PSMD11: variants seen among roughly 807,000 people sequenced by gnomAD.
PSMD11 encodes the protein 26S proteasome non-ATPase regulatory subunit 11.
Under a neutral mutation model 62.3 loss-of-function variants are expected in PSMD11, and 5 were observed. That is an observed-to-expected ratio of 0.08 (90% confidence interval 0.04 to 0.17). The LOEUF (loss-of-function observed/expected upper bound fraction) is 0.17. PSMD11 is among the 10% of genes least tolerant of loss of function. The pLI is 1.00. For synonymous variants in PSMD11, 191 were observed against 191.8 expected, an observed-to-expected ratio of 1.00 and a Z score of 0.03; for missense variants, 310 against 512.9, an observed-to-expected ratio of 0.60 and a Z score of 3.82.
chr17:32,468,906 T>G, intron 5 of PSMD11, 93 bp from the exon 6 acceptor site: 4 of 1,229,734 alleles, frequency 3.3e-6, no homozygotes, highest in Non-Finnish European at 3.2e-6. Flanking sequence ...TTTTTTTTTT[T>G]TTTTAATCCT....
At chr17:32,444,659 G>C (rs746508120) in intron 1 of PSMD11, 45 bp downstream of exon 1, 11 of 1,603,898 alleles carry the variant, frequency 6.9e-6, no homozygotes, top group Non-Finnish European at 8.5e-6. Flanking sequence ...GGCCCAGCTC[G>C]GCTTATGTCG....
At chr17:32,464,912 G>GT (rs1023219318) in intron 5 of PSMD11, among the ~76,000 whole-genome samples, 5 of 151,958 alleles carry the variant, frequency 3.3e-5, no homozygotes, top group Admixed American at 6.6e-5. Context: ...TCAGATTTAG[G>GT]TTTTTAAAGG....
At chr17:32,452,946 G>T (rs1306944541) in intron 2 of PSMD11, among the ~76,000 whole-genome samples, 1 of 152,188 alleles carries the variant, frequency 6.6e-6, no homozygotes, top group East Asian at 1.9e-4. Flanking sequence ...GTTAAGCTTG[G>T]ATAAAGGGAA....
At chr17:32,444,844 C>A (rs1198280040) in intron 1 of PSMD11, 5 of 572,388 alleles carry the variant, frequency 8.7e-6, no homozygotes, top group African/African-American at 6.0e-5. Context: ...TGCTGACTCA[C>A]GGGGGGCTCA....
At chr17:32,463,064 C>G (rs1394498750) in intron 3 of PSMD11, among the ~76,000 whole-genome samples, 1 of 152,208 alleles carries the variant, frequency 6.6e-6, no homozygotes, top group Non-Finnish European at 1.5e-5. Context: ...AGCTCAGTTT[C>G]TCATTTCATT....
At chr17:32,447,628 A>C (rs1205250248) in intron 2 of PSMD11, among the ~76,000 whole-genome samples, 1 of 152,214 alleles carries the variant, frequency 6.6e-6, no homozygotes, top group Non-Finnish European at 1.5e-5. Flanking sequence ...TGGAATGAGA[A>C]GGGAGTCCTT....
At chr17:32,456,569 G>A (rs542579726) in intron 3 of PSMD11, among the ~76,000 whole-genome samples, 5 of 152,086 alleles carry the variant, frequency 3.3e-5, no homozygotes, top group East Asian at 3.9e-4. Context: ...TCGCTCTGTC[G>A]CCCAGGCTGG....
At position 32,455,730 on chromosome 17, in the gene PSMD11, T is replaced by C. The variant is rs1288778425; in HGVS notation, c.318+1111T>C. 9.8e-5 allele frequency among the ~76,000 whole-genome samples: 15 copies of C among 152,346 alleles called. No individual in the cohort carries two copies. In the East Asian group the frequency reaches 2.7e-3, roughly 27 times the overall value. On this transcript the variant is annotated intron_variant, in intron 3 of 13. Transcript: ENST00000261712. ...TTATGTCTCTGGCAAAACTGTTTGA[T>C]GATAGTATATAAAAAGTTAGATGGC...
chr17:32,452,879 G>T (rs1907549622), intron 2 of PSMD11, among the ~76,000 whole-genome samples: 1 of 152,214 alleles, frequency 6.6e-6, no homozygotes, highest in Admixed American at 6.5e-5. Context: ...TCAGAGGAGA[G>T]CAACTAAGTT....
At chr17:32,450,747 A>G (rs1907469188) in intron 2 of PSMD11, among the ~76,000 whole-genome samples, 1 of 152,000 alleles carries the variant, frequency 6.6e-6, no homozygotes, top group African/African-American at 2.4e-5. Flanking sequence ...GTAGACTAAA[A>G]CAGATGATGA....
chr17:32,478,394 G>GACA (rs1908392567), intron 9 of PSMD11, among the ~76,000 whole-genome samples: 1 of 152,198 alleles, frequency 6.6e-6, no homozygotes, highest in Non-Finnish European at 1.5e-5. Flanking sequence ...ACACCTTGTA[G>GACA]CACAGCTGAC....
Position 32,447,047 on chromosome 17 carries a change from G to A in PSMD11, c.193+1G>A. On this transcript the variant is annotated splice_donor_variant, in intron 2 of 13. Coordinates refer to ENST00000261712, the MANE Select transcript of PSMD11 (RefSeq NM_002815.4). LOFTEE classifies it high-confidence loss of function. ...CTGGCAAAGACTGGACAAGCTGCAG[G>A]TAAGTGCTACACATGGATTGTATCT... The A allele has an allele frequency of 6.3e-7, 1 of 1,597,158 alleles. No individual in the cohort carries two copies. Among genetic ancestry groups the A allele is most frequent in the Non-Finnish European group, 8.6e-7 (1 of 1,166,776 alleles).
chr17:32,448,941 T>C (rs1191294816), intron 2 of PSMD11, among the ~76,000 whole-genome samples: 1 of 152,152 alleles, frequency 6.6e-6, no homozygotes, highest in East Asian at 1.9e-4. Context: ...GGGTGGTGTC[T>C]TTTCATCTTA....
chr17:32,459,306 C>A (rs1434781475), intron 3 of PSMD11, among the ~76,000 whole-genome samples: 1 of 151,932 alleles, frequency 6.6e-6, no homozygotes, highest in African/African-American at 2.4e-5. Context: ...GCAGCCTCAA[C>A]TTCCTGGGCT....
In PSMD11 at chr17:32,483,035, C is replaced by G. The variant is rs1376886675; in HGVS notation, c.*2283C>G. On this transcript the variant is annotated 3_prime_UTR_variant, in exon 14 of 14. Coordinates refer to ENST00000261712, the MANE Select transcript of PSMD11 (RefSeq NM_002815.4). ...TCAAACTTAGGGCAGTCCTGAGATG[C>G]TCAGGCAGTAGCCCTTTTCTCAGTT... 6.6e-6 allele frequency: 1 copy of G among 152,198 alleles called. No homozygotes were observed. Among genetic ancestry groups the G allele is most frequent in the Non-Finnish European group, 1.5e-5 (1 of 68,044 alleles). 9.4% of individuals were successfully genotyped at this position (152,198 alleles called of 1,614,324 possible).
chr17:32,455,700 C>T (rs1293643622), intron 3 of PSMD11, among the ~76,000 whole-genome samples: 1 of 152,094 alleles, frequency 6.6e-6, no homozygotes, highest in Non-Finnish European at 1.5e-5. Context: ...GAGTAGTCTT[C>T]AGATTTATGT....
intron 6 of PSMD11, among the ~76,000 whole-genome samples, chr17:32,469,966 A>G (rs1226399561): frequency 6.6e-6 from 1 of 151,616 alleles, no homozygotes; most frequent in Non-Finnish European, 1.5e-5. Flanking sequence ...ATAGAGCCTC[A>G]TTAATGTTTG....
chr17:32,448,696 T>TA (rs1015423645), intron 2 of PSMD11, among the ~76,000 whole-genome samples: 7 of 152,204 alleles, frequency 4.6e-5, no homozygotes, highest in African/African-American at 1.7e-4. Flanking sequence ...TCTAAACACA[T>TA]ACATGGTTTA....
At chr17:32,477,440 C>T in intron 8 of PSMD11, 81 bp from the exon 9 acceptor site, 1 of 1,188,530 alleles carries the variant, frequency 8.4e-7, no homozygotes, top group Non-Finnish European at 1.2e-6. Context: ...GTTGTGTGGA[C>T]ACAGCATACT....
Sources: allele counts gnomAD v4.1 joint callset (sites outside exome capture counted in the v4.1 genomes callset), GRCh38; gene constraint gnomAD v4.1.1; transcripts MANE v1.5; gene names NCBI Gene and HGNC (gene_info 2026-07-23, HGNC 2026-07-21).